CCAR2: variants seen among roughly 807,000 people sequenced by gnomAD.
The protein encoded by CCAR2 is cell cycle and apoptosis regulator 2.
A neutral mutation model predicts 108.1 loss-of-function variants in CCAR2; 21 were observed. That is an observed-to-expected ratio of 0.19 (90% CI 0.14 to 0.28). The LOEUF is 0.28. CCAR2 is among the 10% of genes least tolerant of loss of function. The pLI, the probability that CCAR2 is intolerant of heterozygous loss-of-function variation, is 1.00. For missense variants in CCAR2, 1,126 were observed against 1,177.0 expected (o/e 0.96, Z 0.63); for synonymous variants, 577 against 472.8 (o/e 1.22, Z -2.86).
chr8:22,619,451 G>GGCCAGCA, intron 20 of CCAR2, 96 bp downstream of exon 20: 1 of 1,459,454 alleles, frequency 6.9e-7, no homozygotes, highest in Non-Finnish European at 9.3e-7. Context: ...GTGACCAGAG[G>GGCCAGCA]GCCAGCAGGC....
rs60062081 is a variant in CCAR2 at position 22,620,417 on chromosome 8, GTTTTTTTT to G, written c.*746_*753del. 4.8e-5 allele frequency: 6 copies of G among 124,092 alleles called. No homozygotes were observed. The highest frequency in any genetic ancestry group is 8.9e-5 in the African/African-American group (3 of 33,884). The allele number at this position is 124,092 out of a possible 1,614,324, so 7.7% of individuals were successfully genotyped here. A position where few individuals can be genotyped will look rare whatever the true frequency, so the allele number is the denominator to read the frequency against. On this transcript the variant is annotated 3_prime_UTR_variant, in exon 21 of 21. Coordinates refer to ENST00000308511, the MANE Select transcript of CCAR2 (RefSeq NM_001393997.1). ...GTTTGACTTTGTATATAAAGTTGGG[GTTTTTTTT>G]TTTTTTTTTTGGCTTGTTTTTTAAA...
At chr8:22,615,159 CA>C in intron 11 of CCAR2, 158 bp downstream of exon 11, 2 of 1,067,912 alleles carry the variant, frequency 1.9e-6, no homozygotes, top group East Asian at 2.6e-5. Context: ...GGGTGTATGC[CA>C]AAATCTGGCT....
chr8:22,616,136 C>T lies in CCAR2; in HGVS notation c.1733C>T (p.Ala578Val), dbSNP rs201308570. 2.0e-5 allele frequency: 32 copies of T among 1,613,774 alleles called. No homozygotes were observed. The highest frequency in any genetic ancestry group is 1.6e-4 in the East Asian group (7 of 44,880). ...VSPPEPEKEE[A>V]AKEEATKEEE... ...CCACCTGAACCTGAGAAGGAGGAGG[C>T]GGCCAAGGAAGAAGCCACCAAGGAG... The change falls in exon 14 of 21, where the codon GCG becomes GTG. Residue 578 changes from alanine (A) to valine (V), a missense_variant. By Grantham distance (64) the Ala-to-Val change is moderately conservative. Transcript: ENST00000308511.
chr8:22,614,744 G>GGTGA (rs1296437290), intron 10 of CCAR2, 94 bp from the exon 11 acceptor site: 4 of 1,549,932 alleles, frequency 2.6e-6, no homozygotes, highest in African/African-American at 1.4e-5. Context: ...CCCACTTCCG[G>GGTGA]CTGCCTTCAT....
intron 7 of CCAR2, among the ~76,000 whole-genome samples, chr8:22,609,008 T>A (rs938960734): frequency 1.3e-5 from 2 of 152,160 alleles, no homozygotes; most frequent in Admixed American, 6.5e-5. Flanking sequence ...CTTGACAGTT[T>A]TGACAAATGG....
intron 6 of CCAR2, 62 bp from the exon 7 acceptor site, chr8:22,607,907 T>G: frequency 1.1e-5 from 14 of 1,326,220 alleles, no homozygotes; most frequent in Non-Finnish European, 1.3e-5. Context: ...ATTACAGGTG[T>G]GAGCTATTGC....
At chr8:22,611,945 CTTTTT>C (rs569460220) in intron 7 of CCAR2, among the ~76,000 whole-genome samples, 1 of 88,294 alleles carries the variant, frequency 1.1e-5, no homozygotes, top group Admixed American at 1.2e-4. Context: ...AACTGTCTCT[CTTTTT>C]TTTTTTTTTG....
chr8:22,605,123 G>C, intron 1 of CCAR2: 1 of 240,836 alleles, frequency 4.2e-6, no homozygotes, highest in African/African-American at 2.4e-5. Flanking sequence ...GAGGGCCCGG[G>C]AGCGTGGGAG....
At chr8:22,616,889 TTTTTTTTG>T (rs1175261319) in intron 14 of CCAR2, among the ~76,000 whole-genome samples, 3 of 63,050 alleles carry the variant, frequency 4.8e-5, no homozygotes, top group Non-Finnish European at 8.6e-5. Flanking sequence ...TTTTTTTTTT[TTTTTTTTG>T]GGGAGATGGA....
At chr8:22,604,898 C>G (rs1308584019) in intron 1 of CCAR2, 56 bp downstream of exon 1, 2 of 419,626 alleles carry the variant, frequency 4.8e-6, no homozygotes, top group Admixed American at 5.3e-5. Flanking sequence ...CGCCCCTCCG[C>G]TGGCCGAGGG....
chr8:22,619,855 T>G lies in CCAR2; in HGVS notation c.*173T>G. ...GGCCATCAGGCTGGGGGCTGTGCTA[T>G]GTGGGATGGATGTGTGAGGAACCCC... On this transcript the variant is annotated 3_prime_UTR_variant, in exon 21 of 21. Coordinates refer to ENST00000308511, the MANE Select transcript of CCAR2 (RefSeq NM_001393997.1). 1.5e-6 allele frequency: 1 copy of G among 654,696 alleles called. No individual in the cohort carries two copies. The highest frequency in any genetic ancestry group is 2.7e-6 in the Non-Finnish European group (1 of 375,746). 40.6% of individuals were successfully genotyped at this position (654,696 alleles called of 1,614,324 possible).
intron 1 of CCAR2, chr8:22,605,502 A>T (rs1801034167): frequency 2.2e-6 from 1 of 452,136 alleles, no homozygotes; most frequent in Non-Finnish European, 4.0e-6. Context: ...CCTTGTCTGT[A>T]AAACAGCATG....
intron 11 of CCAR2, 47 bp from the exon 12 acceptor site, chr8:22,615,378 G>A (rs775586537): frequency 6.9e-6 from 11 of 1,590,144 alleles, no homozygotes; most frequent in South Asian, 3.4e-5. Context: ...TGGTGTCTGC[G>A]TGGAGTTGTC....
chr8:22,613,801 G>T, intron 8 of CCAR2: 1 of 378,072 alleles, frequency 2.6e-6, no homozygotes, highest in Non-Finnish European at 4.8e-6. Flanking sequence ...TTCCGTTTTA[G>T]GCTTTTGAAC....
chr8:22,611,388 ATG>A (rs145362940), intron 7 of CCAR2, among the ~76,000 whole-genome samples: 9 of 128,492 alleles, frequency 7.0e-5, no homozygotes, highest in East Asian at 6.4e-4. Context: ...AAGTATATAT[ATG>A]TGTGTGTGTG....
At position 22,607,238 on chromosome 8, in the gene CCAR2, G is replaced by A; in HGVS notation, c.400G>A (p.Ala134Thr). The A allele has an allele frequency of 6.2e-7, 1 of 1,613,974 alleles. No individual in the cohort carries two copies. The highest frequency in any genetic ancestry group is 8.5e-7 in the Non-Finnish European group (1 of 1,180,012). Residue 134 changes from alanine (A) to threonine (T), a missense_variant, in exon 6 of 21, where the codon GCC (alanine) becomes ACC (threonine). Ala to Thr is a moderately conservative substitution (Grantham distance 58, BLOSUM62 0). Transcript: ENST00000308511. ...SPAPPLLHVA[A>T]LGQKQGILGA... Reference sequence around the variant, plus strand: ...AGCACCTCCTCTTCTGCATGTAGCAGCCCTGGGCCAGAAGCAAGGGATCCT... The same window carrying A: ...AGCACCTCCTCTTCTGCATGTAGCAACCCTGGGCCAGAAGCAAGGGATCCT...
chr8:22,615,675 G>A lies in CCAR2; in HGVS notation c.1378-7G>A. On this transcript the variant is annotated splice_region_variant and splice_polypyrimidine_tract_variant and intron_variant, in intron 12 of 20. Transcript: ENST00000308511. ...CCCAGAGGGTCTCATTTCAGCTGTT[G>A]TCACAGGAAACGGAGCCTACTGAAC... is the stretch of plus-strand genomic sequence containing the variant. The A allele has an allele frequency of 1.2e-6, 2 of 1,613,828 alleles. No homozygotes were observed. Among genetic ancestry groups the A allele is most frequent in the Non-Finnish European group, 1.7e-6 (2 of 1,180,012 alleles).
intron 7 of CCAR2, 144 bp downstream of exon 7, chr8:22,608,209 C>A: frequency 4.8e-6 from 3 of 619,506 alleles, no homozygotes; most frequent in Non-Finnish European, 5.7e-6. Flanking sequence ...CATTCTTTGC[C>A]TGCAGCTAGA....
At chr8:22,621,163 C>CA, downstream of CCAR2, 1 of 464,154 alleles carries the variant, frequency 2.2e-6, no homozygotes, top group East Asian at 3.9e-5. Context: ...GGCCAGGATG[C>CA]ATGCTGGACG....
Sources: allele counts gnomAD v4.1 joint callset (sites outside exome capture counted in the v4.1 genomes callset), GRCh38; gene constraint gnomAD v4.1.1; transcripts MANE v1.5; gene names NCBI Gene and HGNC (gene_info 2026-07-23, HGNC 2026-07-21).